Variants in CDH18 observed in about 807,000 individuals in gnomAD.
CDH18 encodes cadherin-18.
Under a neutral mutation model 67.9 loss-of-function variants are expected in CDH18, and 31 were observed. The ratio of observed to expected loss-of-function variants is 0.46; its 90% CI spans 0.34 to 0.62. The LOEUF is 0.62. Ranked by LOEUF, CDH18 falls within the 20% of genes least tolerant of loss-of-function variation. The pLI is 0.01. For missense variants in CDH18, 890 were observed against 975.5 expected (o/e 0.91, Z 1.17); for synonymous variants, 362 against 347.2 (o/e 1.04, Z -0.48).
chr5:20,514,036 T>C (rs1443022742), intron 1 of CDH18, among the ~76,000 whole-genome samples: 1 of 152,136 alleles, frequency 6.6e-6, no homozygotes, highest in African/African-American at 2.4e-5. Context: ...TTCGCAAATG[T>C]TATTATAAAA....
chr5:20,417,188 A>G (rs1747385026), intron 1 of CDH18, among the ~76,000 whole-genome samples: 1 of 152,104 alleles, frequency 6.6e-6, no homozygotes, highest in African/African-American at 2.4e-5. Flanking sequence ...TAATTTGCTG[A>G]TAGTTTGTAA....
intron 1 of CDH18, among the ~76,000 whole-genome samples, chr5:20,395,503 G>A (rs1412437307): frequency 1.3e-5 from 2 of 152,142 alleles, no homozygotes; most frequent in Non-Finnish European, 2.9e-5. Context: ...GACTACTCAA[G>A]TGATGGGTGC....
At chr5:20,040,343 T>A (rs985224340) in intron 2 of CDH18, among the ~76,000 whole-genome samples, 4 of 152,046 alleles carry the variant, frequency 2.6e-5, no homozygotes, top group African/African-American at 9.7e-5. Context: ...GATGTTGAAA[T>A]GAAATCATGG....
intron 2 of CDH18, among the ~76,000 whole-genome samples, chr5:20,088,268 C>A (rs907472938): frequency 6.6e-6 from 1 of 152,124 alleles, no homozygotes; most frequent in Non-Finnish European, 1.5e-5. Flanking sequence ...CTCTAACATG[C>A]GTATGCACTT....
intron 2 of CDH18, among the ~76,000 whole-genome samples, chr5:19,885,099 C>T (rs911322714): frequency 2.6e-5 from 4 of 152,004 alleles, no homozygotes; most frequent in South Asian, 2.1e-4. Context: ...ATATTATGGG[C>T]GAAAAATTAT....
chr5:19,590,578 A>G (rs1016902367), intron 7 of CDH18, among the ~76,000 whole-genome samples: 1 of 152,070 alleles, frequency 6.6e-6, no homozygotes, highest in Admixed American at 6.6e-5. Flanking sequence ...GCACATTAGA[A>G]TAAAATATCT....
intron 2 of CDH18, among the ~76,000 whole-genome samples, chr5:20,158,280 A>G (rs1199705404): frequency 1.3e-5 from 2 of 152,192 alleles, no homozygotes; most frequent in Non-Finnish European, 2.9e-5. Flanking sequence ...AATTTTGTTT[A>G]ATAGTAACAA....
At chr5:20,074,307 T>G (rs1367580414) in intron 2 of CDH18, among the ~76,000 whole-genome samples, 1 of 152,186 alleles carries the variant, frequency 6.6e-6, no homozygotes, top group Non-Finnish European at 1.5e-5. Flanking sequence ...CATTTAATTT[T>G]GAGTGCTTTC....
chr5:19,846,894 T>C (rs1022328579), intron 2 of CDH18, among the ~76,000 whole-genome samples: 1 of 150,106 alleles, frequency 6.7e-6, no homozygotes, highest in Admixed American at 6.7e-5. Flanking sequence ...CTGGATATAA[T>C]ATTTTTTGTC....
At chr5:19,928,948 A>T (rs1243961487) in intron 2 of CDH18, among the ~76,000 whole-genome samples, 2 of 151,058 alleles carry the variant, frequency 1.3e-5, no homozygotes, top group African/African-American at 4.8e-5. Flanking sequence ...AAGAGACCTA[A>T]ATCATTTTTA....
Position 19,960,586 on chromosome 5 carries a change from T to TACACACACAC in CDH18, c.-257+20473_-257+20474insGTGTGTGTGT, listed in dbSNP as rs1357426735. Among the ~76,000 whole-genome samples the TACACACACAC allele has an allele frequency of 3.8e-4, 51 of 132,740 alleles. 3 individuals carry two copies. The highest frequency in any genetic ancestry group is 1.7e-3 in the African/African-American group (50 of 29,018). 87.1% of individuals were successfully genotyped at this position (132,740 alleles called of 152,430 possible). ...ATGTGTGTGTGTGTGTGTGTGTGTG[T>TACACACACAC]GTGTATATATATATATACACACACG... On this transcript the variant is annotated intron_variant, in intron 2 of 12. Transcript: ENST00000382275.
chr5:19,526,516 A>G (rs1158134175), intron 9 of CDH18, among the ~76,000 whole-genome samples: 1 of 152,110 alleles, frequency 6.6e-6, no homozygotes, highest in African/African-American at 2.4e-5. Flanking sequence ...TGGGCTCTGG[A>G]GAACACAGAA....
chr5:20,412,953 C>T (rs1283996979), intron 1 of CDH18, among the ~76,000 whole-genome samples: 2 of 152,158 alleles, frequency 1.3e-5, no homozygotes, highest in African/African-American at 4.8e-5. Context: ...CTAATGCTAT[C>T]CCTCCCCAAT....
At position 20,419,328 on chromosome 5, in the gene CDH18, A is replaced by C. The variant is rs553068786; in HGVS notation, c.-580+156134T>G. ...GTATTTATTAGCAGCGTGAACACGG[A>C]CTAATACACACCCTTCACCAGAACC... On this transcript the variant is annotated intron_variant, in intron 1 of 14. Coordinates refer to the CDH18 transcript ENST00000507958. Among the ~76,000 whole-genome samples, 16 of 152,114 alleles carry C rather than the reference A, an allele frequency of 1.1e-4. No homozygotes were observed. In the South Asian group the frequency reaches 3.1e-3, roughly 30 times the overall value.
chr5:19,831,030 T>C (rs1350321610), intron 3 of CDH18, among the ~76,000 whole-genome samples: 3 of 152,104 alleles, frequency 2.0e-5, no homozygotes, highest in African/African-American at 4.8e-5. Flanking sequence ...TACTGGAGTC[T>C]TTGTGAGAGT....
intron 4 of CDH18, among the ~76,000 whole-genome samples, chr5:19,722,510 C>T (rs939688403): frequency 2.7e-5 from 4 of 148,686 alleles, no homozygotes; most frequent in Non-Finnish European, 5.9e-5. Flanking sequence ...CTAGTATGAT[C>T]GTGTCTTTGT....
intron 2 of CDH18, among the ~76,000 whole-genome samples, chr5:19,927,341 T>C (rs1579636222): frequency 6.6e-6 from 1 of 152,104 alleles, no homozygotes. Flanking sequence ...CATTTCATTC[T>C]CACAATACTC....
chr5:20,546,592 C>T (rs1013386765), intron 1 of CDH18, among the ~76,000 whole-genome samples: 4 of 152,034 alleles, frequency 2.6e-5, no homozygotes, highest in African/African-American at 7.2e-5. Flanking sequence ...CATCGGTTCT[C>T]GCGATAACTC....
At chr5:19,861,153 T>G (rs1403131871) in intron 2 of CDH18, among the ~76,000 whole-genome samples, 1 of 152,226 alleles carries the variant, frequency 6.6e-6, no homozygotes, top group East Asian at 1.9e-4. Context: ...CAGTGCCTCA[T>G]GCATTTCTGT....
Sources: allele counts gnomAD v4.1 joint callset (sites outside exome capture counted in the v4.1 genomes callset), GRCh38; gene constraint gnomAD v4.1.1; transcripts MANE v1.5; gene names NCBI Gene and HGNC (gene_info 2026-07-23, HGNC 2026-07-21).